Variants in APPBP2 observed in about 807,000 individuals in gnomAD.
The protein encoded by APPBP2 is amyloid protein-binding protein 2.
Under a neutral mutation model 76.0 loss-of-function variants are expected in APPBP2, and 15 were observed. That is an observed-to-expected ratio of 0.20 (90% CI 0.13 to 0.30). APPBP2 has a LOEUF of 0.30. Among genes scored for constraint, APPBP2 ranks in the 10% least tolerant of loss-of-function variants. APPBP2 has a pLI of 1.00. For missense variants in APPBP2, 401 were observed against 687.2 expected, an observed-to-expected ratio of 0.58 and a Z score of 4.66; for synonymous variants, 222 against 242.2, an observed-to-expected ratio of 0.92 and a Z score of 0.77.
intron 5 of APPBP2, among the ~76,000 whole-genome samples, chr17:60,465,984 G>A (rs924958235): frequency 4.6e-5 from 7 of 151,982 alleles, no homozygotes; most frequent in South Asian, 2.1e-4. Flanking sequence ...CACCACAGGC[G>A]TGTGCTACAC....
At chr17:60,485,999 T>C (rs1055017530) in intron 3 of APPBP2, among the ~76,000 whole-genome samples, 2 of 152,188 alleles carry the variant, frequency 1.3e-5, no homozygotes, top group East Asian at 1.9e-4. Flanking sequence ...TTCCACGTAG[T>C]TGTGTGGTTT....
At chr17:60,475,093 G>C (rs574543190) in intron 4 of APPBP2, among the ~76,000 whole-genome samples, 76 of 152,132 alleles carry the variant, frequency 5.0e-4, no homozygotes, top group African/African-American at 1.8e-3. Context: ...AGCTGGGCAT[G>C]GTGGCGGGCG....
chr17:60,518,830 C>G (rs374861286), intron 1 of APPBP2, among the ~76,000 whole-genome samples: 3 of 151,972 alleles, frequency 2.0e-5, no homozygotes, highest in African/African-American at 7.3e-5. Flanking sequence ...TCCAACACAT[C>G]AATTTCTTTT....
chr17:60,487,007 T>C (rs1161888936), intron 3 of APPBP2, among the ~76,000 whole-genome samples: 1 of 152,222 alleles, frequency 6.6e-6, no homozygotes, highest in Admixed American at 6.5e-5. Flanking sequence ...TCTTTAAGAA[T>C]GTTGAATATT....
rs778552429 is a variant in APPBP2 at position 60,461,929 on chromosome 17, C to G, written c.831-14G>C. On this transcript the variant is annotated splice_polypyrimidine_tract_variant and intron_variant, in intron 7 of 12. Coordinates refer to ENST00000083182, the MANE Select transcript of APPBP2 (RefSeq NM_006380.5). The stretch of plus-strand genomic sequence containing the variant: ...CCAAAATGATCCCTATAAAAAGACA[C>G]AAAATTATTAGGATATAAAGTATAG... 1.2e-6 allele frequency: 2 copies of G among 1,608,930 alleles called. No individual in the cohort carries two copies. Among genetic ancestry groups the G allele is most frequent in the African/African-American group, 1.3e-5 (1 of 74,798 alleles).
At chr17:60,447,936 C>G (rs2090362873) in intron 12 of APPBP2, 102 bp from the exon 13 acceptor site, 1 of 1,129,062 alleles carries the variant, frequency 8.9e-7, no homozygotes, top group Non-Finnish European at 1.2e-6. Context: ...AACAGGGTGG[C>G]TTAGGTTTAT....
chr17:60,448,720 T>C (rs2090369220), intron 12 of APPBP2, among the ~76,000 whole-genome samples: 2 of 152,332 alleles, frequency 1.3e-5, no homozygotes, highest in Middle Eastern at 6.8e-3. Flanking sequence ...GTATCTATAG[T>C]ATGCTATCTT....
intron 3 of APPBP2, among the ~76,000 whole-genome samples, chr17:60,479,558 T>C (rs1420244309): frequency 6.6e-6 from 1 of 152,170 alleles, no homozygotes. Context: ...GCTAACTAAA[T>C]TATTTTACTA....
In APPBP2 at chr17:60,444,280, G is replaced by A. The variant is rs1033075022; in HGVS notation, c.*3301C>T. Reference sequence around the variant, plus strand: ...ACTTTGCCACCCAGAAGAAAAGCAAGCAGCAAGGCTACAAATTCTAGGGAA... The same window carrying A: ...ACTTTGCCACCCAGAAGAAAAGCAAACAGCAAGGCTACAAATTCTAGGGAA... On this transcript the variant is annotated 3_prime_UTR_variant, in exon 13 of 13. Transcript: ENST00000083182. 9 of 152,476 alleles carry A rather than the reference G, an allele frequency of 5.9e-5. No individual in the cohort carries two copies. Among genetic ancestry groups the A allele is most frequent in the African/African-American group, 2.2e-4 (9 of 41,396 alleles). The allele number at this position is 152,476 out of a possible 1,614,324, so 9.4% of individuals were successfully genotyped here.
At chr17:60,505,729 C>T in intron 1 of APPBP2, among the ~76,000 whole-genome samples, 1 of 135,154 alleles carries the variant, frequency 7.4e-6, no homozygotes. Flanking sequence ...TCTTGTTGCC[C>T]AGGCTAGAGT....
rs1388528099 is a variant in APPBP2, at chr17:60,445,058, A to G, written c.*2523T>C. Reference sequence around the variant, plus strand: ...AACTTATCCTAAACATCCCTACTTAAAGGATGAATCTTACACTTAAAGTCA... The same window carrying G: ...AACTTATCCTAAACATCCCTACTTAGAGGATGAATCTTACACTTAAAGTCA... On this transcript the variant is annotated 3_prime_UTR_variant, in exon 13 of 13. Coordinates refer to ENST00000083182, the MANE Select transcript of APPBP2 (RefSeq NM_006380.5). 1 of 152,162 alleles carries G rather than the reference A, an allele frequency of 6.6e-6. No individual in the cohort carries two copies. The highest frequency in any genetic ancestry group is 2.4e-5 in the African/African-American group (1 of 41,434). The allele number at this position is 152,162 out of a possible 1,614,324, so 9.4% of individuals were successfully genotyped here. A position where few individuals can be genotyped will look rare whatever the true frequency, so the allele number is the denominator to read the frequency against.
intron 2 of APPBP2, among the ~76,000 whole-genome samples, chr17:60,497,538 G>T (rs911850816): frequency 4.6e-5 from 7 of 152,082 alleles, no homozygotes; most frequent in Non-Finnish European, 1.0e-4. Context: ...TTGAGGTGAT[G>T]AACACCTCAT....
intron 12 of APPBP2, among the ~76,000 whole-genome samples, chr17:60,449,855 A>G (rs1026749903): frequency 1.9e-4 from 29 of 152,008 alleles, no homozygotes; most frequent in African/African-American, 6.5e-4. Flanking sequence ...TGGAGTGCAC[A>G]GTGCAATCTC....
intron 1 of APPBP2, 62 bp from the exon 2 acceptor site, chr17:60,500,549 A>G (rs1455352310): frequency 2.9e-5 from 33 of 1,139,542 alleles, no homozygotes; most frequent in Non-Finnish European, 3.1e-5. Context: ...TACTTTAATC[A>G]TATTTGATAA....
chr17:60,521,235 A>C (rs2091007578), intron 1 of APPBP2, among the ~76,000 whole-genome samples: 1 of 152,250 alleles, frequency 6.6e-6, no homozygotes, highest in Non-Finnish European at 1.5e-5. Context: ...TGCATATAAA[A>C]AGGTGGCCCC....
At chr17:60,487,587 C>T (rs1465015953) in intron 3 of APPBP2, among the ~76,000 whole-genome samples, 2 of 152,150 alleles carry the variant, frequency 1.3e-5, no homozygotes, top group Admixed American at 6.6e-5. Flanking sequence ...TCTAGTTAGC[C>T]ATTTGTCTAA....
rs1290241771 is a variant in APPBP2, at chr17:60,446,782, GATAAAA to G, written c.*793_*798del. The G allele has an allele frequency of 1.3e-5, 2 of 152,126 alleles. No individual in the cohort carries two copies. Among genetic ancestry groups the G allele is most frequent in the African/African-American group, 4.8e-5 (2 of 41,414 alleles). 9.4% of individuals were successfully genotyped at this position (152,126 alleles called of 1,614,324 possible). On this transcript the variant is annotated 3_prime_UTR_variant, in exon 13 of 13. Transcript: ENST00000083182. ...TACATCTAAATGAAATCATTCTACT[GATAAAA>G]GTATATGTAGGATCTAAAATAATAA...
chr17:60,509,476 A>G (rs1330440607), intron 1 of APPBP2, among the ~76,000 whole-genome samples: 1 of 152,100 alleles, frequency 6.6e-6, no homozygotes, highest in Non-Finnish European at 1.5e-5. Flanking sequence ...CTCAGGTGTT[A>G]TAATAGTGTG....
At chr17:60,492,420 G>A (rs750237923) in intron 3 of APPBP2, among the ~76,000 whole-genome samples, 19 of 152,146 alleles carry the variant, frequency 1.2e-4, no homozygotes, top group East Asian at 3.9e-4. Flanking sequence ...AGCTTGCACC[G>A]TGTGCCTGAA....
Sources: gnomAD v4.1 joint callset for allele counts (sites outside exome capture counted in the v4.1 genomes callset) on GRCh38, gnomAD v4.1.1 for gene constraint, MANE v1.5 for transcripts, NCBI Gene and HGNC (gene_info 2026-07-23, HGNC 2026-07-21) for gene names.